Variants in ASF1B observed in about 807,000 individuals in gnomAD.
The protein encoded by ASF1B is histone chaperone ASF1B.
ASF1B carries 10 observed loss-of-function variants against 16.6 expected under a neutral mutation model. That is an observed-to-expected ratio of 0.60 (90% CI 0.37 to 1.02). The LOEUF is 1.02. Among genes scored for constraint, ASF1B ranks in the 50% least tolerant of loss-of-function variants. The pLI is 0.01. For missense variants in ASF1B, 240 were observed against 266.0 expected, an observed-to-expected ratio of 0.90 and a Z score of 0.68; for synonymous variants, 101 against 106.2, an observed-to-expected ratio of 0.95 and a Z score of 0.30.
Position 14,120,436 on chromosome 19 carries a change from T to C in ASF1B, c.*23A>G. The C allele has an allele frequency of 6.2e-7, 1 of 1,610,928 alleles. No homozygotes were observed. Among genetic ancestry groups the C allele is most frequent in the Non-Finnish European group, 8.5e-7 (1 of 1,178,620 alleles). On this transcript the variant is annotated 3_prime_UTR_variant, in exon 4 of 4. Coordinates refer to ENST00000263382, the MANE Select transcript of ASF1B (RefSeq NM_018154.3). ...GGCCTGGTTGCCCCTCCCGGCGTGC[T>C]GGGACACTCTGGGTTCCTGCAGTTA...
rs1967209386 is a variant in ASF1B, at chr19:14,120,039, T to C, written c.*420A>G. On this transcript the variant is annotated 3_prime_UTR_variant, in exon 4 of 4. Coordinates refer to ENST00000263382, the MANE Select transcript of ASF1B (RefSeq NM_018154.3). The stretch of plus-strand genomic sequence containing the variant: ...GAAAGCTGGAGTGGGTCTGCTCAGA[T>C]GTACAGGAAGAGAAAGGAATGACAA... 1 of 175,142 alleles carries C rather than the reference T, an allele frequency of 5.7e-6. No individual in the cohort carries two copies. Among genetic ancestry groups the C allele is most frequent in the African/African-American group, 2.4e-5 (1 of 41,636 alleles). 10.8% of individuals were successfully genotyped at this position (175,142 alleles called of 1,614,324 possible). A position where few individuals can be genotyped will look rare whatever the true frequency, so the allele number is the denominator to read the frequency against.
chr19:14,131,293 T>C (rs556048634), intron 1 of ASF1B, among the ~76,000 whole-genome samples: 3 of 151,868 alleles, frequency 2.0e-5, no homozygotes, highest in East Asian at 3.9e-4. Flanking sequence ...CTAGCGATTC[T>C]TCTGCCTCAG....
chr19:14,134,168 G>C (rs1967450948), intron 1 of ASF1B, among the ~76,000 whole-genome samples: 1 of 152,096 alleles, frequency 6.6e-6, no homozygotes, highest in Admixed American at 6.6e-5. Flanking sequence ...TGCCGTCGGG[G>C]AGCTGGGAAT....
At chr19:14,121,786 C>A in intron 2 of ASF1B, 78 bp from the exon 3 acceptor site, 1 of 1,338,638 alleles carries the variant, frequency 7.5e-7, no homozygotes. Flanking sequence ...TCCCAAGCAT[C>A]ATGTATTTAC....
At chr19:14,130,486 T>C (rs973625134) in intron 1 of ASF1B, among the ~76,000 whole-genome samples, 19 of 148,698 alleles carry the variant, frequency 1.3e-4, no homozygotes, top group Middle Eastern at 3.5e-3. Context: ...CTGGGCAACA[T>C]AGTGACACCC....
At position 14,120,251 on chromosome 19, in the gene ASF1B, G is replaced by T. The variant is rs1967212633; in HGVS notation, c.*208C>A. The T allele has an allele frequency of 1.8e-6, 1 of 545,454 alleles. No individual in the cohort carries two copies. The highest frequency in any genetic ancestry group is 3.3e-5 in the East Asian group (1 of 30,670). 33.8% of individuals were successfully genotyped at this position (545,454 alleles called of 1,614,324 possible). A position where few individuals can be genotyped will look rare whatever the true frequency, so the allele number is the denominator to read the frequency against. ...GTCAGAATTTAGAACTGAAGTACCT[G>T]CTTCTTATAGGCCTGTAGAGGAAAA... On this transcript the variant is annotated 3_prime_UTR_variant, in exon 4 of 4. Transcript: ENST00000263382.
chr19:14,122,580 A>C (rs1033430446), intron 2 of ASF1B, among the ~76,000 whole-genome samples: 3 of 151,280 alleles, frequency 2.0e-5, no homozygotes, highest in African/African-American at 7.3e-5. Flanking sequence ...GGCTGGTCTC[A>C]AACTCCTGGG....
At chr19:14,130,048 T>C (rs988181060) in intron 1 of ASF1B, among the ~76,000 whole-genome samples, 2 of 151,670 alleles carry the variant, frequency 1.3e-5, no homozygotes, top group Non-Finnish European at 2.9e-5. Flanking sequence ...GGTGTGCACC[T>C]GTAATTCTAA....
chr19:14,123,473 A>G (rs1314834719), intron 2 of ASF1B, among the ~76,000 whole-genome samples: 2 of 133,504 alleles, frequency 1.5e-5, no homozygotes, highest in Non-Finnish European at 3.1e-5. Flanking sequence ...TCCGCCTCCC[A>G]GGTTCACGCC....
At position 14,121,606 on chromosome 19, in the gene ASF1B, C is replaced by T. The variant is rs1290733773; in HGVS notation, c.328G>A (p.Gly110Ser). Reference protein sequence around the residue: ...TYHGQEFIRVGYYVNNEYLNP... With the variant: ...TYHGQEFIRVSYYVNNEYLNP... Reference sequence around the variant, plus strand: ...AGGTACTCGTTGTTGACGTAGTAGCCCACTCGGATGAACTCCTGTCCATGG... The same window carrying T: ...AGGTACTCGTTGTTGACGTAGTAGCTCACTCGGATGAACTCCTGTCCATGG... Residue 110 changes from glycine to serine, a missense_variant, in exon 3 of 4, where the codon GGC (glycine) becomes AGC (serine). Coordinates refer to ENST00000263382, the MANE Select transcript of ASF1B (RefSeq NM_018154.3). The T allele has an allele frequency of 6.2e-7, 1 of 1,613,888 alleles. No individual in the cohort carries two copies. The highest frequency in any genetic ancestry group is 8.5e-7 in the Non-Finnish European group (1 of 1,179,994).
In ASF1B at chr19:14,136,384, C is replaced by A; in HGVS notation, c.73G>T (p.Glu25Ter). The change falls in exon 1 of 4, where the codon GAG becomes TAG. Residue 25 changes from glutamate (E) to a stop codon, truncating the protein, a stop_gained. Coordinates refer to ENST00000263382, the MANE Select transcript of ASF1B (RefSeq NM_018154.3). LOFTEE classifies it high-confidence loss of function. ...PSPFHSPFRF[E>*]ISFECSEALA... Reference sequence around the variant, plus strand: ...GCTTCACTGCACTCGAAGCTGATCTCGAACCGGAAGGGGCTGTGGAAAGGG... The same window carrying A: ...GCTTCACTGCACTCGAAGCTGATCTAGAACCGGAAGGGGCTGTGGAAAGGG... 1 of 1,613,574 alleles carries A rather than the reference C, an allele frequency of 6.2e-7. No individual in the cohort carries two copies. The highest frequency in any genetic ancestry group is 8.5e-7 in the Non-Finnish European group (1 of 1,179,622).
chr19:14,120,689 A>G lies in ASF1B; in HGVS notation c.403-24T>C, dbSNP rs548895792. 8 of 1,611,664 alleles carry G rather than the reference A, an allele frequency of 5.0e-6. No individual in the cohort carries two copies. In the Admixed American group the frequency reaches 6.7e-5, roughly 13 times the overall value. The stretch of plus-strand genomic sequence containing the variant: ...AGCTGGGGCAGGAAGAGGAACGTCA[A>G]CCCTTGTAGGTACGCCCTCTCCTTG... On this transcript the variant is annotated intron_variant, in intron 3 of 3. Coordinates refer to ENST00000263382, the MANE Select transcript of ASF1B (RefSeq NM_018154.3).
At chr19:14,127,890 C>T (rs913853480) in intron 1 of ASF1B, among the ~76,000 whole-genome samples, 32 of 152,102 alleles carry the variant, frequency 2.1e-4, no homozygotes, top group Admixed American at 1.8e-3. Context: ...CATCCGCCTC[C>T]GCCTCCCAAA....
rs951149829 is a variant in ASF1B at position 14,136,539 on chromosome 19, G to T, written c.-83C>A. ...GCCTGGGTCCGGTGGGGTCAGTGGG[G>T]TAGGGCTGACCAGGTCCACTCCCGC... On this transcript the variant is annotated 5_prime_UTR_variant, in exon 1 of 4. Transcript: ENST00000263382. 1.7e-6 allele frequency: 2 copies of T among 1,206,702 alleles called. No homozygotes were observed. The highest frequency in any genetic ancestry group is 1.2e-6 in the Non-Finnish European group (1 of 847,816). 74.7% of individuals were successfully genotyped at this position (1,206,702 alleles called of 1,614,324 possible).
intron 3 of ASF1B, 54 bp downstream of exon 3, chr19:14,121,478 C>A: frequency 6.4e-7 from 1 of 1,572,362 alleles, no homozygotes. Context: ...GCTGAACTCC[C>A]CCCAAGTATA....
intron 2 of ASF1B, among the ~76,000 whole-genome samples, chr19:14,124,328 A>G (rs376914128): frequency 4.0e-5 from 6 of 151,684 alleles, no homozygotes; most frequent in South Asian, 4.2e-4. Flanking sequence ...TAATTTTTCT[A>G]TTTTTTGTAG....
intron 1 of ASF1B, among the ~76,000 whole-genome samples, chr19:14,130,136 G>T (rs946988262): frequency 4.6e-5 from 7 of 151,728 alleles, no homozygotes; most frequent in Admixed American, 4.6e-4. Flanking sequence ...TCGGCTCACT[G>T]CAAGCTCCGC....
rs548464472 is a variant in ASF1B at position 14,121,365 on chromosome 19, C to A, written c.402+167G>T. 4.2e-6 allele frequency: 3 copies of A among 714,930 alleles called. No homozygotes were observed. The South Asian group carries it at 6.7e-5, about 16-fold the overall frequency. The allele number at this position is 714,930 out of a possible 1,614,324, so 44.3% of individuals were successfully genotyped here. The stretch of plus-strand genomic sequence containing the variant: ...CTAATCTTAATTCTCTAAGACATGC[C>A]TTTGAGAGACAAAGGTCTTTTTCTC... On this transcript the variant is annotated intron_variant, in intron 3 of 3. Transcript: ENST00000263382.
chr19:14,121,167 C>T (rs1429711951), intron 3 of ASF1B: 8 of 363,660 alleles, frequency 2.2e-5, no homozygotes, highest in Admixed American at 4.3e-5. Context: ...GTTGGTCAGG[C>T]TGGAATGCAG....
Sources: allele counts gnomAD v4.1 joint callset (sites outside exome capture counted in the v4.1 genomes callset), GRCh38; gene constraint gnomAD v4.1.1; transcripts MANE v1.5; gene names NCBI Gene and HGNC (gene_info 2026-07-23, HGNC 2026-07-21).